Variants in SGMS1 observed in about 807,000 individuals in gnomAD.
The protein encoded by SGMS1 is phosphatidylcholine:ceramide cholinephosphotransferase 1.
SGMS1 carries 13 observed loss-of-function variants against 46.2 expected under a neutral mutation model. The ratio of observed to expected loss-of-function variants is 0.28; its 90% CI spans 0.18 to 0.45. SGMS1 has a LOEUF of 0.45. SGMS1 is among the 20% of genes least tolerant of loss of function. SGMS1 has a pLI of 1.00. For missense variants in SGMS1, 324 were observed against 519.9 expected (o/e 0.62, Z 3.66); for synonymous variants, 203 against 187.8 (o/e 1.08, Z -0.66).
chr10:50,368,542 G>A (rs1848386398), intron 6 of SGMS1, among the ~76,000 whole-genome samples: 1 of 152,118 alleles, frequency 6.6e-6, no homozygotes, highest in Non-Finnish European at 1.5e-5. Flanking sequence ...TTTTTGTAGA[G>A]ACAGGGTTTC....
chr10:50,374,265 C>G (rs993605462), intron 6 of SGMS1, among the ~76,000 whole-genome samples: 2 of 152,204 alleles, frequency 1.3e-5, no homozygotes, highest in African/African-American at 4.8e-5. Context: ...TGCTGCCTAA[C>G]TAGGTTAAAA....
At chr10:50,521,515 G>A (rs1433644007) in intron 2 of SGMS1, among the ~76,000 whole-genome samples, 4 of 152,052 alleles carry the variant, frequency 2.6e-5, no homozygotes, top group Non-Finnish European at 5.9e-5. Context: ...GTCCTTTATA[G>A]TATTTCTCTT....
At chr10:50,479,343 A>C (rs931542690) in intron 3 of SGMS1, among the ~76,000 whole-genome samples, 2 of 151,652 alleles carry the variant, frequency 1.3e-5, no homozygotes, top group Admixed American at 6.6e-5. Flanking sequence ...TCATGCACTA[A>C]CTCACTGCCC....
intron 3 of SGMS1, among the ~76,000 whole-genome samples, chr10:50,512,901 C>T (rs1837769734): frequency 6.6e-6 from 1 of 152,138 alleles, no homozygotes; most frequent in African/African-American, 2.4e-5. Context: ...AGATGGGGGA[C>T]CCTGCAGCCA....
At chr10:50,578,936 A>G (rs962133546) in intron 2 of SGMS1, among the ~76,000 whole-genome samples, 3 of 152,226 alleles carry the variant, frequency 2.0e-5, no homozygotes, top group Admixed American at 6.5e-5. Flanking sequence ...CAGTTTGTAA[A>G]GCCCCATTCT....
chr10:50,329,964 T>G (rs961569032), intron 7 of SGMS1, among the ~76,000 whole-genome samples: 2 of 152,324 alleles, frequency 1.3e-5, no homozygotes, highest in African/African-American at 4.8e-5. Flanking sequence ...TCAATTTGAT[T>G]ATAAGGAAAT....
chr10:50,618,492 AAAG>A (rs1170857637), intron 1 of SGMS1, among the ~76,000 whole-genome samples: 33 of 152,246 alleles, frequency 2.2e-4, no homozygotes, highest in African/African-American at 7.2e-4. Context: ...ATGGCTAGTC[AAAG>A]AAATTATAAT....
chr10:50,404,311 ATTT>A (rs534874395), intron 6 of SGMS1, among the ~76,000 whole-genome samples: 1 of 142,858 alleles, frequency 7.0e-6, no homozygotes, highest in Non-Finnish European at 1.5e-5. Flanking sequence ...TTTTGTTTTG[ATTT>A]TTTTTTTTTT....
intron 4 of SGMS1, among the ~76,000 whole-genome samples, chr10:50,465,469 A>G (rs1163632540): frequency 6.6e-6 from 1 of 152,232 alleles, no homozygotes; most frequent in East Asian, 1.9e-4. Context: ...AAACAAAAAC[A>G]GGATCCTAAT....
intron 2 of SGMS1, among the ~76,000 whole-genome samples, chr10:50,581,546 G>GCAA (rs1316484033): frequency 6.6e-6 from 1 of 152,172 alleles, no homozygotes; most frequent in Non-Finnish European, 1.5e-5. Flanking sequence ...CAGGTTAAAG[G>GCAA]CAACGAAGGA....
intron 7 of SGMS1, among the ~76,000 whole-genome samples, chr10:50,328,913 A>T (rs960255644): frequency 6.6e-6 from 1 of 152,240 alleles, no homozygotes; most frequent in Admixed American, 6.5e-5. Flanking sequence ...TAAATTCTAC[A>T]TTGTAAGACA....
chr10:50,343,452 T>A (rs768253171), intron 7 of SGMS1, 40 bp downstream of exon 7: 3 of 1,527,046 alleles, frequency 2.0e-6, no homozygotes, highest in Non-Finnish European at 2.6e-6. Context: ...GGAGTGCAAA[T>A]CCCATAATCA....
chr10:50,308,478 A>AT (rs1847208095), intron 9 of SGMS1, among the ~76,000 whole-genome samples: 1 of 152,244 alleles, frequency 6.6e-6, no homozygotes, highest in Non-Finnish European at 1.5e-5. Context: ...TGACATTTAA[A>AT]TTTACCTCTA....
At chr10:50,509,168 AGAAG>A (rs1357923318) in intron 3 of SGMS1, among the ~76,000 whole-genome samples, 1 of 152,248 alleles carries the variant, frequency 6.6e-6, no homozygotes, top group African/African-American at 2.4e-5. Context: ...CCAAAAGGAT[AGAAG>A]TTATATCCTT....
intron 3 of SGMS1, among the ~76,000 whole-genome samples, chr10:50,471,494 A>G (rs893543837): frequency 1.3e-5 from 2 of 152,212 alleles, no homozygotes; most frequent in Admixed American, 1.3e-4. Context: ...TAGGTAACTC[A>G]TTTGAATCTT....
intron 1 of SGMS1, among the ~76,000 whole-genome samples, chr10:50,609,273 A>AT (rs916324512): frequency 2.0e-5 from 3 of 151,794 alleles, no homozygotes; most frequent in Non-Finnish European, 2.9e-5. Context: ...GCCTGGGGGT[A>AT]TTTTTTTTAT....
chr10:50,602,825 T>C (rs553866625), intron 1 of SGMS1, among the ~76,000 whole-genome samples: 2 of 152,308 alleles, frequency 1.3e-5, no homozygotes, highest in East Asian at 1.9e-4. Context: ...ACATAAAGCC[T>C]CTACTCTCTG....
chr10:50,380,795 G>A (rs772434535), intron 6 of SGMS1, among the ~76,000 whole-genome samples: 13 of 151,934 alleles, frequency 8.6e-5, no homozygotes, highest in Non-Finnish European at 1.6e-4. Context: ...ACTAAGTCTT[G>A]TTCTAAGGAA....
chr10:50,602,788 A>G (rs748625753), intron 1 of SGMS1, among the ~76,000 whole-genome samples: 3 of 152,206 alleles, frequency 2.0e-5, no homozygotes, highest in Non-Finnish European at 4.4e-5. Context: ...TTTAACAATA[A>G]AAAAATTTGT....
Sources: gnomAD v4.1 joint callset for allele counts (sites outside exome capture counted in the v4.1 genomes callset) on GRCh38, gnomAD v4.1.1 for gene constraint, MANE v1.5 for transcripts, NCBI Gene and HGNC (gene_info 2026-07-23, HGNC 2026-07-21) for gene names.